PAX8: variants seen among roughly 807,000 people sequenced by gnomAD.
PAX8 encodes paired box 8.
In PAX8, 15 loss-of-function variants were observed where a neutral mutation model predicts 52.4. The ratio of observed to expected loss-of-function variants is 0.29; its 90% CI spans 0.19 to 0.44. The LOEUF is 0.44. Ranked by LOEUF, PAX8 falls within the 20% of genes least tolerant of loss-of-function variation. PAX8 has a pLI of 1.00. For missense variants in PAX8, 554 were observed against 602.5 expected (o/e 0.92, Z 0.84); for synonymous variants, 284 against 249.7 (o/e 1.14, Z -1.29).
intron 3 of PAX8, among the ~76,000 whole-genome samples, 179 bp downstream of exon 3, chr2:113,246,575 A>G (rs1691336342): frequency 6.6e-6 from 1 of 152,208 alleles, no homozygotes; most frequent in Admixed American, 6.5e-5. Context: ...AACAGTAGAA[A>G]AATAGTGGCT....
intron 2 of PAX8, chr2:113,268,090 T>C (rs148958776): frequency 6.6e-6 from 1 of 152,376 alleles, no homozygotes. Context: ...CCCCCGGTTG[T>C]CTGTATGTTT....
At chr2:113,234,554 T>C (rs1302983452) in intron 9 of PAX8, among the ~76,000 whole-genome samples, 1 of 152,258 alleles carries the variant, frequency 6.6e-6, no homozygotes, top group Non-Finnish European at 1.5e-5. Context: ...GGAGTCTTGC[T>C]CTGTCACCCA....
chr2:113,255,831 A>G (rs1268948122), intron 2 of PAX8, among the ~76,000 whole-genome samples: 10 of 152,144 alleles, frequency 6.6e-5, no homozygotes, highest in Admixed American at 5.9e-4. Flanking sequence ...ATCAGGGGAA[A>G]AAACCACGAG....
chr2:113,231,749 A>T (rs1689905922), intron 9 of PAX8, among the ~76,000 whole-genome samples: 1 of 152,024 alleles, frequency 6.6e-6, no homozygotes, highest in Non-Finnish European at 1.5e-5. Context: ...CTTTTTTGAG[A>T]TGGAGTTTCG....
At chr2:113,236,463 C>T in intron 8 of PAX8, 138 bp downstream of exon 8, 1 of 948,470 alleles carries the variant, frequency 1.1e-6, no homozygotes, top group Non-Finnish European at 1.5e-6. Flanking sequence ...AGGCGCGACC[C>T]CTGGGCCCAC....
chr2:113,227,888 C>A (rs58340144), intron 9 of PAX8, among the ~76,000 whole-genome samples: 2,323 of 152,270 alleles, frequency 0.015, 60 homozygotes, highest in African/African-American at 0.053. Context: ...ATTGGCTAAC[C>A]CCAACCTAGA....
At chr2:113,240,795 G>A (rs1262276085) in intron 7 of PAX8, 1 of 155,410 alleles carries the variant, frequency 6.4e-6, no homozygotes, top group Non-Finnish European at 1.4e-5. Flanking sequence ...ACAATGGTAG[G>A]TGCTGGGAAT....
chr2:113,227,563 A>T (rs1399978818), intron 9 of PAX8, among the ~76,000 whole-genome samples: 2 of 152,196 alleles, frequency 1.3e-5, no homozygotes, highest in Non-Finnish European at 2.9e-5. Flanking sequence ...ATGTCCTGGT[A>T]TTGGAGGCTG....
chr2:113,250,799 G>A (rs906600510), intron 2 of PAX8: 3 of 152,354 alleles, frequency 2.0e-5, no homozygotes, highest in African/African-American at 7.2e-5. Flanking sequence ...CCTTGAACAA[G>A]ACAAGAATCC....
At chr2:113,230,028 G>A (rs904077949) in intron 9 of PAX8, among the ~76,000 whole-genome samples, 3 of 152,244 alleles carry the variant, frequency 2.0e-5, no homozygotes, top group African/African-American at 7.2e-5. Context: ...CTTCCTGCCT[G>A]TCACATAAGG....
At chr2:113,225,065 G>A (rs1358616598) in intron 10 of PAX8, among the ~76,000 whole-genome samples, 2 of 152,116 alleles carry the variant, frequency 1.3e-5, no homozygotes, top group Admixed American at 6.6e-5. Context: ...GTATGATTAT[G>A]ACCCTGAGCA....
chr2:113,275,244 T>A (rs1234823572), intron 2 of PAX8: 1 of 152,176 alleles, frequency 6.6e-6, no homozygotes, highest in Non-Finnish European at 1.5e-5. Flanking sequence ...AAAAGATACT[T>A]ATCTTAAAAC....
intron 2 of PAX8, among the ~76,000 whole-genome samples, chr2:113,257,135 CT>C (rs1692320910): frequency 1.3e-5 from 2 of 152,220 alleles, no homozygotes; most frequent in Admixed American, 1.3e-4. Context: ...TCCCCCACCC[CT>C]ATCTGCCCCT....
At chr2:113,264,468 G>T (rs1011407009) in intron 2 of PAX8, among the ~76,000 whole-genome samples, 3 of 152,228 alleles carry the variant, frequency 2.0e-5, no homozygotes, top group African/African-American at 7.2e-5. Context: ...AAAACTTCAT[G>T]TACAAAACTC....
Position 113,236,587 on chromosome 2 carries a change from T to C in PAX8, c.898+14A>G. 6.4e-7 allele frequency: 1 copy of C among 1,557,686 alleles called. No individual in the cohort carries two copies. Among genetic ancestry groups the C allele is most frequent in the Non-Finnish European group, 8.7e-7 (1 of 1,152,440 alleles). On this transcript the variant is annotated intron_variant, in intron 8 of 11. Transcript: ENST00000429538. ...CCCGCCCTCCACCTGCCAGGGAGGC[T>C]CCGGGCGTTGTACCTGCCACCACGG... is the stretch of plus-strand genomic sequence containing the variant.
rs1689048363 is a variant in PAX8 at position 113,217,017 on chromosome 2, G to C, written c.*1516C>G. On this transcript the variant is annotated 3_prime_UTR_variant, in exon 12 of 12. Coordinates refer to ENST00000429538, the MANE Select transcript of PAX8 (RefSeq NM_003466.4). ...TCTCCCTTCAGAGCTGTTTATGCAG[G>C]CTCCAGTCACAGCTATTCCCGGATC... is the stretch of plus-strand genomic sequence containing the variant. 1 of 231,360 alleles carries C rather than the reference G, an allele frequency of 4.3e-6. No homozygotes were observed. 14.3% of individuals were successfully genotyped at this position (231,360 alleles called of 1,614,324 possible).
intron 2 of PAX8, among the ~76,000 whole-genome samples, chr2:113,254,473 G>A (rs900830786): frequency 1.3e-5 from 2 of 152,152 alleles, no homozygotes; most frequent in African/African-American, 4.8e-5. Context: ...AGTGGAAGGT[G>A]AGTAGGAGTT....
chr2:113,235,851 G>C, intron 8 of PAX8: 1 of 488,444 alleles, frequency 2.0e-6, no homozygotes, highest in Non-Finnish European at 3.6e-6. Flanking sequence ...GAGGGAGCGC[G>C]GAGACCCGGG....
chr2:113,219,996 G>C, intron 11 of PAX8, 96 bp downstream of exon 11: 1 of 811,008 alleles, frequency 1.2e-6, no homozygotes, highest in East Asian at 2.7e-5. Flanking sequence ...TATAATCTGA[G>C]GACTCCCAGC....
Sources: gnomAD v4.1 joint callset for allele counts (sites outside exome capture counted in the v4.1 genomes callset) on GRCh38, gnomAD v4.1.1 for gene constraint, MANE v1.5 for transcripts, NCBI Gene and HGNC (gene_info 2026-07-23, HGNC 2026-07-21) for gene names.